PPARGC1A: variants seen among roughly 807,000 people sequenced by gnomAD.
The protein encoded by PPARGC1A is PPARG coactivator 1 alpha.
In PPARGC1A, 25 loss-of-function variants were observed where a neutral mutation model predicts 88.7. The ratio of observed to expected loss-of-function variants is 0.28; its 90% CI spans 0.21 to 0.39. The LOEUF (loss-of-function observed/expected upper bound fraction) is 0.39, where lower values mean the gene tolerates loss of function less well. Among genes scored for constraint, PPARGC1A ranks in the 10% least tolerant of loss-of-function variants. The probability of loss-of-function intolerance (pLI) is 1.00; values close to 1 mark genes in which losing one functional copy is unlikely to be tolerated. For missense variants in PPARGC1A, 880 were observed against 968.7 expected (o/e 0.91, Z 1.22); for synonymous variants, 363 against 355.6 (o/e 1.02, Z -0.24).
the PPARGC1A span, among the ~76,000 whole-genome samples, chr4:24,471,210 C>T: frequency 6.6e-6 from 1 of 151,916 alleles, no homozygotes; most frequent in Non-Finnish European, 1.5e-5. This position sits in a 1 kb window ranked among gnomAD's most constrained non-coding sequence, Gnocchi z 5.4. Context: ...GCCCGGGAAT[C>T]CCCGGCGCCC....
chr4:24,471,924 G>A, the PPARGC1A span, among the ~76,000 whole-genome samples: 7 of 152,222 alleles, frequency 4.6e-5, no homozygotes, highest in Admixed American at 4.6e-4. The surrounding 1 kb of genome is among the most constrained non-coding windows in gnomAD (Gnocchi z 5.4). Flanking sequence ...GAGTGGAGGG[G>A]GGACAGCACG....
At chr4:24,073,757 G>A in the PPARGC1A span, among the ~76,000 whole-genome samples, 1 of 152,214 alleles carries the variant, frequency 6.6e-6, no homozygotes, top group African/African-American at 2.4e-5. Context: ...TGTTGTCACA[G>A]CTACTATGTG....
At chr4:24,014,725 T>G in the PPARGC1A span, among the ~76,000 whole-genome samples, 30 of 152,246 alleles carry the variant, frequency 2.0e-4, no homozygotes, top group African/African-American at 7.2e-4. Flanking sequence ...GGAGAGTATC[T>G]GTCACCTCAG....
At chr4:24,337,227 GC>G in the PPARGC1A span, among the ~76,000 whole-genome samples, 1 of 152,098 alleles carries the variant, frequency 6.6e-6, no homozygotes, top group Admixed American at 6.5e-5. Context: ...GACTCTCACC[GC>G]CCCACCCAAT....
the PPARGC1A span, among the ~76,000 whole-genome samples, chr4:23,927,662 C>T: frequency 1.3e-5 from 2 of 152,122 alleles, no homozygotes; most frequent in East Asian, 1.9e-4. Context: ...CCCCAGGCAG[C>T]CTGCTGTCTA....
the PPARGC1A span, among the ~76,000 whole-genome samples, chr4:24,289,242 AAGAGAG>A: frequency 1.0e-5 from 1 of 95,802 alleles, no homozygotes; most frequent in East Asian, 3.1e-4. Context: ...AAAAAAAAAA[AAGAGAG>A]AGAGAGAGAA....
chr4:23,905,057 C>T (rs973866638), upstream of PPARGC1A, among the ~76,000 whole-genome samples: 3 of 152,160 alleles, frequency 2.0e-5, no homozygotes, highest in African/African-American at 7.2e-5. Flanking sequence ...GGAGGTCAAC[C>T]CTTCTCAAAA....
the PPARGC1A span, among the ~76,000 whole-genome samples, chr4:24,283,339 C>T: frequency 6.6e-6 from 1 of 152,198 alleles, no homozygotes; most frequent in African/African-American, 2.4e-5. Flanking sequence ...GGGATCCATC[C>T]CTGCTTCCCC....
the PPARGC1A span, among the ~76,000 whole-genome samples, chr4:24,092,249 C>T: frequency 6.6e-6 from 1 of 152,042 alleles, no homozygotes; most frequent in African/African-American, 2.4e-5. Flanking sequence ...GGCCTCAACC[C>T]CTTTTCTAAA....
At chr4:24,167,414 A>G in the PPARGC1A span, among the ~76,000 whole-genome samples, 1 of 152,242 alleles carries the variant, frequency 6.6e-6, no homozygotes, top group Non-Finnish European at 1.5e-5. Context: ...CAAAGGATTT[A>G]GAATATTACA....
At chr4:23,913,253 TATATATATATATATAGAG>T in the PPARGC1A span, among the ~76,000 whole-genome samples, 1 of 42,670 alleles carries the variant, frequency 2.3e-5, no homozygotes, top group Non-Finnish European at 4.4e-5. Context: ...TATATATATA[TATATATATATATATAGAG>T]AGAGAGAGAG....
At chr4:24,059,728 C>T in the PPARGC1A span, among the ~76,000 whole-genome samples, 1 of 152,240 alleles carries the variant, frequency 6.6e-6, no homozygotes, top group Admixed American at 6.5e-5. Context: ...ATTCGCAATT[C>T]TGGATCCAGT....
chr4:24,071,882 C>T, the PPARGC1A span, among the ~76,000 whole-genome samples: 10 of 152,106 alleles, frequency 6.6e-5, no homozygotes, highest in African/African-American at 2.2e-4. Context: ...TTCTCACATT[C>T]CCTGATTCTA....
intron 2 of PPARGC1A, among the ~76,000 whole-genome samples, chr4:23,838,549 A>G (rs1358067334): frequency 6.6e-6 from 1 of 152,230 alleles, no homozygotes; most frequent in East Asian, 1.9e-4. Context: ...TACATTTCGT[A>G]ACACATTATA....
At chr4:23,889,781 G>T in intron 1 of PPARGC1A, 123 bp downstream of exon 1, 1 of 1,148,220 alleles carries the variant, frequency 8.7e-7, no homozygotes, top group South Asian at 1.8e-5. Flanking sequence ...TCTTCTAAAA[G>T]CTCCTGCCTG....
chr4:24,379,503 T>G, the PPARGC1A span, among the ~76,000 whole-genome samples: 1 of 152,180 alleles, frequency 6.6e-6, no homozygotes, highest in South Asian at 2.1e-4. Context: ...CATTATACAT[T>G]CTATGCATGT....
At chr4:23,933,740 C>G in the PPARGC1A span, among the ~76,000 whole-genome samples, 1 of 152,174 alleles carries the variant, frequency 6.6e-6, no homozygotes, top group South Asian at 2.1e-4. Context: ...ATAATGCCTT[C>G]TTTTATATAG....
chr4:24,051,003 T>C, the PPARGC1A span, among the ~76,000 whole-genome samples: 615 of 151,944 alleles, frequency 4.0e-3, 6 homozygotes, highest in African/African-American at 0.014. Context: ...CTGGCTAACA[T>C]GGTGAAACCC....
chr4:23,821,081 C>G (rs1722927519), intron 7 of PPARGC1A, among the ~76,000 whole-genome samples: 1 of 152,126 alleles, frequency 6.6e-6, no homozygotes, highest in Non-Finnish European at 1.5e-5. Flanking sequence ...TAGAATCTTT[C>G]TCAACACGAT....
Sources: gnomAD v4.1 joint callset for allele counts (sites outside exome capture counted in the v4.1 genomes callset) on GRCh38, gnomAD v4.1.1 for gene constraint, Gnocchi (gnomAD v3.1) non-coding constraint, MANE v1.5 for transcripts, NCBI Gene and HGNC (gene_info 2026-07-23, HGNC 2026-07-21) for gene names.